Variants in DNAH3 observed in about 807,000 individuals in gnomAD.
DNAH3 encodes axonemal beta dynein heavy chain 3.
DNAH3 carries 332 observed loss-of-function variants against 432.5 expected under a neutral mutation model. That is an observed-to-expected ratio of 0.77 (90% CI 0.70 to 0.84). The LOEUF is 0.84. Among genes scored for constraint, DNAH3 ranks in the 40% least tolerant of loss-of-function variants. DNAH3 has a pLI of 0.00. For synonymous variants in DNAH3, 1,956 were observed against 1,900.2 expected (o/e 1.03, Z -0.76); for missense variants, 4,861 against 5,114.0 (o/e 0.95, Z 1.51).
At chr16:21,087,444 G>A (rs962038585) in intron 18 of DNAH3, among the ~76,000 whole-genome samples, 2 of 152,310 alleles carry the variant, frequency 1.3e-5, no homozygotes, top group Admixed American at 6.5e-5. Context: ...AGCATTTGGG[G>A]AGGCCAAGGT....
chr16:20,997,574 TC>T, intron 43 of DNAH3, 112 bp from the exon 44 acceptor site: 1 of 1,271,498 alleles, frequency 7.9e-7, no homozygotes, highest in Non-Finnish European at 1.1e-6. Context: ...AGGTTTCCAT[TC>T]CCCATTCCAG....
chr16:21,109,622 T>C (rs2092024822), intron 14 of DNAH3, among the ~76,000 whole-genome samples: 1 of 152,152 alleles, frequency 6.6e-6, no homozygotes, highest in African/African-American at 2.4e-5. Context: ...TATTCTGAGG[T>C]AGGGTCTTGC....
At position 20,964,495 on chromosome 16, in the gene DNAH3, A is replaced by G. The variant is rs146749118; in HGVS notation, c.9389T>C (p.Ile3130Thr). 1,300 of 1,614,126 alleles carry G rather than the reference A, an allele frequency of 8.1e-4. 8 individuals carry two copies. The East Asian group carries it at 8.9e-3, about 11-fold the overall frequency. The change falls in exon 53 of 62, where the codon ATT becomes ACT. Residue 3130 changes from isoleucine to threonine, a missense_variant. Transcript: ENST00000261383. Reference sequence around the variant, plus strand: ...GATAGAAGCATCCAGCTCTTCTCCAATGTTTTCAATCAAGACAGGGGTGCC... The same window carrying G: ...GATAGAAGCATCCAGCTCTTCTCCAGTGTTTTCAATCAAGACAGGGGTGCC...
At chr16:21,030,911 G>T in intron 37 of DNAH3, 134 bp downstream of exon 37, 1 of 873,786 alleles carries the variant, frequency 1.1e-6, no homozygotes, top group Non-Finnish European at 1.7e-6. Context: ...CCTCCTGTGG[G>T]GCATTTATTC....
At chr16:21,047,854 G>A (rs947538464) in intron 31 of DNAH3, among the ~76,000 whole-genome samples, 6 of 150,284 alleles carry the variant, frequency 4.0e-5, no homozygotes, top group Admixed American at 1.3e-4. Flanking sequence ...ATGGGTTTTT[G>A]GTGTGGATGT....
At chr16:21,045,295 A>C (rs1482661164) in intron 31 of DNAH3, among the ~76,000 whole-genome samples, 4 of 151,714 alleles carry the variant, frequency 2.6e-5, no homozygotes, top group African/African-American at 9.7e-5. Context: ...CTGTGAATCC[A>C]TCTGGTCCTG....
At chr16:21,042,396 CGTGTGTGT>C (rs377160556) in intron 31 of DNAH3, among the ~76,000 whole-genome samples, 193 bp from the exon 32 acceptor site, 2 of 151,646 alleles carry the variant, frequency 1.3e-5, no homozygotes, top group Non-Finnish European at 2.9e-5. Flanking sequence ...TGTGCATGTG[CGTGTGTGT>C]GTGTGTTAAT....
chr16:20,997,180 G>T, intron 44 of DNAH3, 103 bp downstream of exon 44: 1 of 1,175,060 alleles, frequency 8.5e-7, no homozygotes, highest in Non-Finnish European at 1.2e-6. Flanking sequence ...CTGCCACGTG[G>T]TTTGGCAGGA....
At chr16:20,948,723 G>A (rs747663647) in intron 56 of DNAH3, 86 bp from the exon 57 acceptor site, 23 of 1,442,266 alleles carry the variant, frequency 1.6e-5, no homozygotes, top group South Asian at 1.1e-4. Context: ...GCATTCTTCC[G>A]GCCAAAGATC....
At chr16:21,141,095 T>C (rs915433112) in intron 4 of DNAH3, among the ~76,000 whole-genome samples, 1 of 151,826 alleles carries the variant, frequency 6.6e-6, no homozygotes, top group Non-Finnish European at 1.5e-5. Flanking sequence ...GCTGAGATCA[T>C]GCCACTGCAC....
intron 24 of DNAH3, among the ~76,000 whole-genome samples, chr16:21,066,905 C>A (rs187049202): frequency 6.6e-6 from 1 of 152,244 alleles, no homozygotes; most frequent in African/African-American, 2.4e-5. Context: ...CCCAAATTTA[C>A]GGTGGAGAAC....
chr16:21,010,232 T>C (rs1038084214), intron 41 of DNAH3, among the ~76,000 whole-genome samples: 11 of 152,136 alleles, frequency 7.2e-5, no homozygotes, highest in African/African-American at 2.4e-4. Context: ...GTTGTGATTA[T>C]AACTTAAACT....
At chr16:20,989,409 G>A (rs1597074684) in intron 44 of DNAH3, among the ~76,000 whole-genome samples, 1 of 151,128 alleles carries the variant, frequency 6.6e-6, no homozygotes, top group African/African-American at 2.4e-5. Flanking sequence ...CCTTGAGCTA[G>A]ACATAAAGTT....
At chr16:20,946,689 TATA>T (rs2084058323) in intron 57 of DNAH3, among the ~76,000 whole-genome samples, 1 of 152,220 alleles carries the variant, frequency 6.6e-6, no homozygotes, top group East Asian at 1.9e-4. Flanking sequence ...AGTCACCTGT[TATA>T]ATGTTGGGTG....
exon 19 of DNAH3, chr16:21,086,892 C>G: frequency 6.2e-7 from 1 of 1,614,162 alleles, no homozygotes; most frequent in East Asian, 2.2e-5. Flanking sequence ...GCAGGAAATA[C>G]TGAGGATGGG....
At chr16:21,067,064 G>T (rs2090578374) in intron 24 of DNAH3, among the ~76,000 whole-genome samples, 1 of 152,144 alleles carries the variant, frequency 6.6e-6, no homozygotes, top group African/African-American at 2.4e-5. Context: ...TGTTGGTTTG[G>T]ACAACGTGTG....
chr16:21,000,545 T>A, intron 42 of DNAH3, 27 bp from the exon 43 acceptor site: 1 of 1,563,066 alleles, frequency 6.4e-7, no homozygotes. Context: ...TGGGAGAGTC[T>A]CGGTTGTGGG....
rs180783394 is a variant in DNAH3, at chr16:21,102,863, T to C, written c.2366+1608A>G. ...GGCATTTGCAGCATCCTGGATGGAT[T>C]GAAGACTATTATTCTTTTTTTTTTT... On this transcript the variant is annotated intron_variant, in intron 16 of 61. Coordinates refer to ENST00000261383, the Ensembl canonical transcript of DNAH3. Among the ~76,000 whole-genome samples, 1,084 of 151,398 alleles carry C rather than the reference T, an allele frequency of 7.2e-3. 15 individuals are homozygous for C. The highest frequency in any genetic ancestry group is 0.025 in the African/African-American group (1,020 of 41,336).
intron 1 of DNAH3, among the ~76,000 whole-genome samples, chr16:21,152,994 G>A (rs1050643750): frequency 3.3e-5 from 5 of 152,184 alleles, no homozygotes; most frequent in East Asian, 3.9e-4. Flanking sequence ...CCCACGGCGC[G>A]GGACTGGCAG....
Sources: gnomAD v4.1 joint callset for allele counts (sites outside exome capture counted in the v4.1 genomes callset) on GRCh38, gnomAD v4.1.1 for gene constraint, MANE v1.5 for transcripts, NCBI Gene and HGNC (gene_info 2026-07-23, HGNC 2026-07-21) for gene names.